SNX13: variants seen among roughly 807,000 people sequenced by gnomAD.
SNX13 encodes sorting nexin-13.
Under a neutral mutation model 133.6 loss-of-function variants are expected in SNX13, and 45 were observed. The observed-to-expected ratio is 0.34, with a 90% CI of 0.27 to 0.43. The LOEUF (loss-of-function observed/expected upper bound fraction) is 0.43. Among genes scored for constraint, SNX13 ranks in the 20% least tolerant of loss-of-function variants. The pLI is 1.00. For synonymous variants in SNX13, 414 were observed against 373.9 expected, an observed-to-expected ratio of 1.11 and a Z score of -1.24; for missense variants, 1,032 against 1,145.1, an observed-to-expected ratio of 0.90 and a Z score of 1.43.
At chr7:17,867,034 T>A (rs2128343262) in intron 9 of SNX13, among the ~76,000 whole-genome samples, 1 of 152,348 alleles carries the variant, frequency 6.6e-6, no homozygotes, top group East Asian at 1.9e-4. Context: ...TTAAAATTTT[T>A]AAATACAGAT....
At chr7:17,824,574 A>G (rs1180013225) in intron 17 of SNX13, among the ~76,000 whole-genome samples, 1 of 152,074 alleles carries the variant, frequency 6.6e-6, no homozygotes, top group African/African-American at 2.4e-5. Flanking sequence ...AAATTGAGGT[A>G]CAAGGAAGTT....
At chr7:17,863,319 CG>C (rs1792966831) in intron 9 of SNX13, among the ~76,000 whole-genome samples, 1 of 152,138 alleles carries the variant, frequency 6.6e-6, no homozygotes, top group Non-Finnish European at 1.5e-5. Context: ...CAGTAGACTT[CG>C]GGTATGACCC....
chr7:17,817,659 G>A (rs188525149), intron 18 of SNX13, among the ~76,000 whole-genome samples: 4 of 152,026 alleles, frequency 2.6e-5, no homozygotes, highest in Non-Finnish European at 5.9e-5. Flanking sequence ...GTAATTTATA[G>A]AGAAAACATT....
chr7:17,902,508 T>C (rs1797945888), intron 1 of SNX13, among the ~76,000 whole-genome samples: 1 of 152,144 alleles, frequency 6.6e-6, no homozygotes, highest in Non-Finnish European at 1.5e-5. Context: ...ATTATAATCT[T>C]ATTAGTGAGA....
At chr7:17,894,936 G>A (rs963948816) in intron 2 of SNX13, among the ~76,000 whole-genome samples, 1 of 152,164 alleles carries the variant, frequency 6.6e-6, no homozygotes, top group East Asian at 1.9e-4. Context: ...ATCAGTTTAA[G>A]TCATTAATTC....
intron 1 of SNX13, among the ~76,000 whole-genome samples, chr7:17,917,069 T>C (rs1799633557): frequency 6.6e-6 from 1 of 152,150 alleles, no homozygotes; most frequent in Non-Finnish European, 1.5e-5. Flanking sequence ...AAACCATATA[T>C]GATCACCTCA....
At chr7:17,809,854 C>CT (rs1265369754) in intron 20 of SNX13, among the ~76,000 whole-genome samples, 2 of 152,134 alleles carry the variant, frequency 1.3e-5, no homozygotes, top group Non-Finnish European at 2.9e-5. Flanking sequence ...ACTGAACAAC[C>CT]TGCTCTGGAA....
intron 1 of SNX13, among the ~76,000 whole-genome samples, chr7:17,921,410 T>A (rs1186796897): frequency 6.6e-6 from 1 of 152,190 alleles, no homozygotes; most frequent in Non-Finnish European, 1.5e-5. Flanking sequence ...CCTCCTAAAC[T>A]TTCCCTCTAG....
intron 1 of SNX13, among the ~76,000 whole-genome samples, chr7:17,902,904 G>A (rs1024779631): frequency 6.6e-6 from 1 of 152,014 alleles, no homozygotes; most frequent in Non-Finnish European, 1.5e-5. Flanking sequence ...GCATGTGAGG[G>A]CTCTAGGTTG....
rs547709417 is a variant in SNX13, at chr7:17,897,509, C to G, written c.13-63G>C. On this transcript the variant is annotated intron_variant, in intron 1 of 25. Coordinates refer to ENST00000428135, the MANE Select transcript of SNX13 (RefSeq NM_015132.5). ...ATTCTCCACATGAATTAGAAAAGAACCAACAAAACTTTTACATAGTTTTAA... is the reference window on the plus strand; with the variant it reads ...ATTCTCCACATGAATTAGAAAAGAAGCAACAAAACTTTTACATAGTTTTAA... 4.2e-6 allele frequency: 4 copies of G among 953,394 alleles called. No individual in the cohort carries two copies. The South Asian group carries it at 5.9e-5, about 14-fold the overall frequency. The allele number at this position is 953,394 out of a possible 1,614,324, so 59.1% of individuals were successfully genotyped here.
chr7:17,852,272 G>A (rs1433395355), intron 9 of SNX13, among the ~76,000 whole-genome samples: 2 of 152,094 alleles, frequency 1.3e-5, no homozygotes, highest in Non-Finnish European at 2.9e-5. Flanking sequence ...TACTAGGAAG[G>A]TAAGGCGAGA....
intron 1 of SNX13, among the ~76,000 whole-genome samples, chr7:17,901,931 A>C (rs1305878585): frequency 1.3e-5 from 2 of 152,216 alleles, no homozygotes; most frequent in Non-Finnish European, 2.9e-5. Flanking sequence ...TGTTAGGACT[A>C]AACTGTATAA....
rs1784320081 is a variant in SNX13 at position 17,798,724 on chromosome 7, G to A, written c.2479C>T (p.Pro827Ser). The change falls in exon 24 of 26, where the codon CCT becomes TCT. Residue 827 changes from proline (P) to serine (S), a missense_variant. By Grantham distance (74) the Pro-to-Ser change is moderately conservative (BLOSUM62 -1). Coordinates refer to ENST00000428135, the MANE Select transcript of SNX13 (RefSeq NM_015132.5). Reference sequence around the variant, plus strand: ...TTCACTGAGTCGGCTACTTGTTCAGGTGAAGTCATCCAGTCAACATGGTCA... The same window carrying A: ...TTCACTGAGTCGGCTACTTGTTCAGATGAAGTCATCCAGTCAACATGGTCA... The part of the protein sequence containing the change: ...IVDHVDWMTS[P>S]EQVADSVKRF... 2.5e-6 allele frequency: 4 copies of A among 1,571,552 alleles called. No homozygotes were observed. Among genetic ancestry groups the A allele is most frequent in the Non-Finnish European group, 3.4e-6 (4 of 1,162,560 alleles).
chr7:17,798,881 C>A (rs986000606), intron 23 of SNX13, 123 bp from the exon 24 acceptor site: 22 of 1,240,138 alleles, frequency 1.8e-5, no homozygotes, highest in Non-Finnish European at 2.3e-5. Flanking sequence ...CAACAGACTG[C>A]TTTAATGATG....
In SNX13 at chr7:17,845,625, C is replaced by T; in HGVS notation, c.1135G>A (p.Val379Ile). 1.2e-6 allele frequency: 2 copies of T among 1,601,848 alleles called. No individual in the cohort carries two copies. The highest frequency in any genetic ancestry group is 1.7e-6 in the Non-Finnish European group (2 of 1,174,562). Residue 379 changes from valine (V) to isoleucine (I), a missense_variant, in exon 12 of 26, where the codon GTA becomes ATA. Val to Ile is a conservative substitution (Grantham distance 29). Transcript: ENST00000428135. ...AAAAATTGTAGTGCAACATTGTCTA[C>T]AAGAATGCTGTCCAGGGGGACTGTG... The part of the protein sequence containing the change: ...LCTVPLDSIL[V>I]DNVALQFFMD...
chr7:17,816,072 C>T (rs562952343), intron 19 of SNX13, 110 bp downstream of exon 19: 2 of 1,223,686 alleles, frequency 1.6e-6, no homozygotes, highest in South Asian at 1.7e-5. Flanking sequence ...GTGGTTGCTA[C>T]CCTGTGATTA....
At chr7:17,827,752 T>C (rs1297009881) in intron 16 of SNX13, among the ~76,000 whole-genome samples, 1 of 151,816 alleles carries the variant, frequency 6.6e-6, no homozygotes, top group Non-Finnish European at 1.5e-5. Context: ...CAGGACATAC[T>C]GGGAATGAAA....
chr7:17,817,400 A>G (rs780360356), intron 18 of SNX13, among the ~76,000 whole-genome samples: 29 of 152,242 alleles, frequency 1.9e-4, no homozygotes, highest in Non-Finnish European at 3.4e-4. Context: ...AAACTTTTTA[A>G]AACAATTATT....
At position 17,803,451 on chromosome 7, in the gene SNX13, A is replaced by G. The variant is rs1365303883; in HGVS notation, c.2194T>C (p.Leu732=). 6.2e-7 allele frequency: 1 copy of G among 1,611,910 alleles called. No homozygotes were observed. Among genetic ancestry groups the G allele is most frequent in the African/African-American group, 1.3e-5 (1 of 74,896 alleles). Residue 732 remains leucine (L), a synonymous_variant, in exon 21 of 26, where the codon TTA becomes CTA. Coordinates refer to ENST00000428135, the MANE Select transcript of SNX13 (RefSeq NM_015132.5). ...SDNMGKMSER[L]GQDIKQSFFK... ...AATGATTGCTTTATGTCTTGACCTAATCTTTCTGACATTTTGCCCATGTTG... is the reference window on the plus strand; with the variant it reads ...AATGATTGCTTTATGTCTTGACCTAGTCTTTCTGACATTTTGCCCATGTTG...
Sources: allele counts gnomAD v4.1 joint callset (sites outside exome capture counted in the v4.1 genomes callset), GRCh38; gene constraint gnomAD v4.1.1; transcripts MANE v1.5; gene names NCBI Gene and HGNC (gene_info 2026-07-23, HGNC 2026-07-21).